Variants in DNAH7 observed in about 807,000 individuals in gnomAD.
DNAH7 encodes the protein dynein axonemal heavy chain 7, also known as axonemal beta dynein heavy chain 7.
In DNAH7, 397 loss-of-function variants were observed where a neutral mutation model predicts 444.6. The ratio of observed to expected loss-of-function variants is 0.89; its 90% CI spans 0.82 to 0.97. The LOEUF (loss-of-function observed/expected upper bound fraction) is 0.97. Among genes scored for constraint, DNAH7 ranks in the 50% least tolerant of loss-of-function variants. DNAH7 has a pLI of 0.00. For missense variants in DNAH7, 4,902 were observed against 4,800.8 expected (o/e 1.02, Z -0.62); for synonymous variants, 1,636 against 1,624.4 (o/e 1.01, Z -0.17).
At chr2:196,022,676 G>A (rs1695451178) in intron 8 of DNAH7, among the ~76,000 whole-genome samples, 1 of 152,172 alleles carries the variant, frequency 6.6e-6, no homozygotes, top group Admixed American at 6.5e-5. Context: ...TTCCTCCACT[G>A]AAGTCTTGAG....
At chr2:195,786,553 C>A (rs1405233467) in intron 58 of DNAH7, among the ~76,000 whole-genome samples, 2 of 151,304 alleles carry the variant, frequency 1.3e-5, no homozygotes, top group Non-Finnish European at 2.9e-5. Flanking sequence ...CAGGTTAACA[C>A]CAATGGCTTA....
chr2:195,881,818 T>C lies in DNAH7; in HGVS notation c.5938A>G (p.Thr1980Ala), dbSNP rs1270847348. Residue 1980 changes from threonine to alanine, a missense_variant, in exon 36 of 65, where the codon ACT (threonine) becomes GCT (alanine). Transcript: ENST00000312428. ...ACCGTAATGTAAACACTTTTCCCAG[T>C]TCCTGTTGGTCCTACAAATATTGAA... ...KPSIFVGPTG[T>A]GKSVYITNFL... The C allele has an allele frequency of 1.9e-6, 3 of 1,613,904 alleles. No individual in the cohort carries two copies. The African/African-American group carries it at 4.0e-5, about 22-fold the overall frequency.
intron 63 of DNAH7, among the ~76,000 whole-genome samples, chr2:195,750,539 G>T (rs761831593): frequency 2.0e-5 from 3 of 152,150 alleles, no homozygotes; most frequent in South Asian, 2.1e-4. Flanking sequence ...GAAAACTTTC[G>T]TTGAGAAATG....
At chr2:196,031,085 G>A (rs1253600333) in intron 5 of DNAH7, among the ~76,000 whole-genome samples, 1 of 152,178 alleles carries the variant, frequency 6.6e-6, no homozygotes, top group Non-Finnish European at 1.5e-5. Flanking sequence ...CTTTTGCCTG[G>A]GCATCCAGGC....
intron 46 of DNAH7, among the ~76,000 whole-genome samples, chr2:195,848,872 G>A (rs1192554699): frequency 6.6e-6 from 1 of 152,100 alleles, no homozygotes; most frequent in Non-Finnish European, 1.5e-5. Context: ...TGGGGTGAGG[G>A]CTTAGCAAAC....
At chr2:196,001,127 T>C (rs1246423543) in intron 11 of DNAH7, among the ~76,000 whole-genome samples, 1 of 152,078 alleles carries the variant, frequency 6.6e-6, no homozygotes, top group Non-Finnish European at 1.5e-5. Context: ...CAAGCGTACA[T>C]AGCAGTGGAG....
chr2:195,826,905 A>G (rs1019765721), intron 48 of DNAH7, among the ~76,000 whole-genome samples: 1 of 152,164 alleles, frequency 6.6e-6, no homozygotes, highest in Non-Finnish European at 1.5e-5. Flanking sequence ...TTTGGCCAAT[A>G]TGGCCTTTTA....
intron 29 of DNAH7, 93 bp downstream of exon 29, chr2:195,897,574 T>C: frequency 1.5e-6 from 1 of 675,716 alleles, no homozygotes; most frequent in Non-Finnish European, 2.5e-6. Context: ...TACTGTGTCA[T>C]TGTTTTCCAT....
At position 195,817,696 on chromosome 2, in the gene DNAH7, C is replaced by A; in HGVS notation, c.9425G>T (p.Arg3142Met). 2.5e-6 allele frequency: 4 copies of A among 1,601,476 alleles called. No individual in the cohort carries two copies. Among genetic ancestry groups the A allele is most frequent in the Non-Finnish European group, 3.4e-6 (4 of 1,176,662 alleles). Residue 3142 changes from arginine to methionine, a missense_variant and splice_region_variant, in exon 50 of 65, where the codon AGG becomes ATG. Coordinates refer to ENST00000312428, the MANE Select transcript of DNAH7 (RefSeq NM_018897.3). ...ALILQGAENK[R>M]QLKEIEDKIL... ...TAGTTCTGTTTATGACATTTAAAAC[C>A]TTTTATTTTCAGCTCCTTGTAATAT...
chr2:195,750,473 GA>G lies in DNAH7; in HGVS notation c.11764+3863del, dbSNP rs1026046671. ...TATTATAATAATACAAAAAGAACTA[GA>G]AAAAAATTCATGCATCTGAATTAAA... is the stretch of plus-strand genomic sequence containing the variant. On this transcript the variant is annotated intron_variant, in intron 63 of 64. Transcript: ENST00000312428. Among the ~76,000 whole-genome samples the G allele has an allele frequency of 2.6e-5, 4 of 152,178 alleles. No homozygotes were observed. The East Asian group carries it at 7.7e-4, about 29-fold the overall frequency.
At chr2:195,920,326 A>T (rs1334709792) in intron 24 of DNAH7, among the ~76,000 whole-genome samples, 1 of 152,232 alleles carries the variant, frequency 6.6e-6, no homozygotes, top group Non-Finnish European at 1.5e-5. Context: ...ATAAGGCTAT[A>T]GTTACCAAAA....
At chr2:195,985,302 A>C (rs986435354) in intron 14 of DNAH7, among the ~76,000 whole-genome samples, 5 of 152,208 alleles carry the variant, frequency 3.3e-5, no homozygotes, top group Non-Finnish European at 7.3e-5. Flanking sequence ...GGAGAGTGGA[A>C]CAGCATGGGG....
At position 195,864,637 on chromosome 2, in the gene DNAH7, C is replaced by G; in HGVS notation, c.7018G>C (p.Val2340Leu). The change falls in exon 41 of 65, where the codon GTA becomes CTA. Residue 2340 changes from valine to leucine, a missense_variant. Val to Leu is a conservative substitution (Grantham distance 32). Transcript: ENST00000312428. ...LKQPRSHALL[V>L]GVGGSGRQSV... ...TGCCTTCCACTCCCTCCAACCCCTA[C>G]TAGGAGAGCATGGCTGCGAGGCTGC... 6.2e-7 allele frequency: 1 copy of G among 1,614,164 alleles called. No homozygotes were observed. Among genetic ancestry groups the G allele is most frequent in the South Asian group, 1.1e-5 (1 of 91,086 alleles).
In DNAH7 at chr2:195,777,802, C is replaced by G; in HGVS notation, c.11062G>C (p.Asp3688His). The G allele has an allele frequency of 6.2e-7, 1 of 1,609,444 alleles. No individual in the cohort carries two copies. Among genetic ancestry groups the G allele is most frequent in the Non-Finnish European group, 8.5e-7 (1 of 1,176,604 alleles). The change falls in exon 59 of 65, where the codon GAT becomes CAT. Residue 3688 changes from aspartate to histidine, a missense_variant and splice_region_variant. Asp to His is a moderately conservative substitution (Grantham distance 81, BLOSUM62 -1). Coordinates refer to ENST00000312428, the MANE Select transcript of DNAH7 (RefSeq NM_018897.3). ...GTTTTTTTGAAGGGCATACTTACAT[C>G]ACCAGAAGGAGGAACAAAATAGATG... ...SGIYFVPPSG[D>H]HKSYIEYTKT...
chr2:195,977,187 T>C (rs1054350398), intron 15 of DNAH7, among the ~76,000 whole-genome samples: 3 of 152,142 alleles, frequency 2.0e-5, no homozygotes, highest in African/African-American at 7.2e-5. Context: ...GATAGAGATA[T>C]GTGAGATTTC....
At chr2:195,920,649 A>G (rs1015506771) in intron 24 of DNAH7, among the ~76,000 whole-genome samples, 5 of 152,232 alleles carry the variant, frequency 3.3e-5, no homozygotes, top group African/African-American at 1.2e-4. Flanking sequence ...CCTTCTAGAC[A>G]TTGGCTTAGG....
chr2:195,984,731 A>G, intron 14 of DNAH7, 21 bp from the exon 15 acceptor site: 1 of 1,603,204 alleles, frequency 6.2e-7, no homozygotes, highest in South Asian at 1.1e-5. Flanking sequence ...AAGTAAAACC[A>G]ATCTTACATA....
intron 47 of DNAH7, among the ~76,000 whole-genome samples, chr2:195,842,227 T>C (rs1281162564): frequency 6.6e-6 from 1 of 152,104 alleles, no homozygotes; most frequent in Non-Finnish European, 1.5e-5. Flanking sequence ...ACATTTAATG[T>C]TATCACTAAT....
chr2:195,895,161 C>G lies in DNAH7; in HGVS notation c.4711G>C (p.Ala1571Pro), dbSNP rs1271266462. The change falls in exon 30 of 65, where the codon GCA (alanine) becomes CCA (proline). Residue 1571 changes from alanine (A) to proline (P), a missense_variant. Physicochemically the swap from Ala to Pro is conservative, Grantham distance 27. Transcript: ENST00000312428. ...GAGGCACAATTGTCTTTGATAGCTG[C>G]CAGCAAATCATTGTAATCTGGTTTT... The part of the protein sequence containing the change: ...LPKPDYNDLL[A>P]AIKDNCASMN... 1.9e-6 allele frequency: 3 copies of G among 1,612,710 alleles called. No individual in the cohort carries two copies. Among genetic ancestry groups the G allele is most frequent in the Non-Finnish European group, 2.5e-6 (3 of 1,179,136 alleles).
Sources: allele counts gnomAD v4.1 joint callset (sites outside exome capture counted in the v4.1 genomes callset), GRCh38; gene constraint gnomAD v4.1.1; transcripts MANE v1.5; gene names NCBI Gene and HGNC (gene_info 2026-07-23, HGNC 2026-07-21).